Variants in MIR2052HG observed in about 807,000 individuals in gnomAD.
The protein encoded by MIR2052HG is MIR2052 host gene.
At chr8:74,711,524 C>G (rs1181384576) in intron 4 of MIR2052HG, among the ~76,000 whole-genome samples, 2 of 152,162 alleles carry the variant, frequency 1.3e-5, no homozygotes, top group Non-Finnish European at 2.9e-5. Flanking sequence ...TTTTGTGGAA[C>G]AGTGGTTGGA....
intron 4 of MIR2052HG, among the ~76,000 whole-genome samples, chr8:74,742,962 AT>A (rs1809847435): frequency 6.6e-6 from 1 of 152,158 alleles, no homozygotes; most frequent in Admixed American, 6.6e-5. Context: ...TGGAAAAAAA[AT>A]GAGACATGGT....
At chr8:74,647,478 A>G (rs958826435) in intron 2 of MIR2052HG, among the ~76,000 whole-genome samples, 1 of 152,242 alleles carries the variant, frequency 6.6e-6, no homozygotes, top group African/African-American at 2.4e-5. Flanking sequence ...TAAAAAATGG[A>G]AAAACCAAGC....
At position 74,731,866 on chromosome 8, in the gene MIR2052HG, G is replaced by A. The variant is rs12334401; in HGVS notation, n.372-20575G>A. Among the ~76,000 whole-genome samples the A allele has an allele frequency of 6.7e-3, 1,019 of 152,154 alleles. 6 individuals are homozygous for A. The highest frequency in any genetic ancestry group is 0.023 in the African/African-American group (968 of 41,494). On this transcript the variant is annotated intron_variant and non_coding_transcript_variant, in intron 4 of 6. Coordinates refer to ENST00000523442, the Ensembl canonical transcript of MIR2052HG. ...ATTCTATTGCCTTTCAGAAGCATAT[G>A]GGCCAATACAGAAGAAGAATAATTA...
rs72103010 is a variant in MIR2052HG at position 74,746,567 on chromosome 8, A to AGTGTGTGTGTGTGTGTGTGT, written n.372-5861_372-5842dup. The stretch of plus-strand genomic sequence containing the variant: ...TAAAAGTAATTGTAAGAGGAGAAGA[A>AGTGTGTGTGTGTGTGTGTGT]GTGTGTGTGTGTGTGTGTGTGTGTG... On this transcript the variant is annotated intron_variant and non_coding_transcript_variant, in intron 4 of 6. Transcript: ENST00000523442. Among the ~76,000 whole-genome samples, 36 of 147,642 alleles carry AGTGTGTGTGTGTGTGTGTGT rather than the reference A, an allele frequency of 2.4e-4. No individual in the cohort carries two copies. In the South Asian group the frequency reaches 2.9e-3, roughly 12 times the overall value.
At chr8:74,626,923 A>G (rs1808444858) in intron 2 of MIR2052HG, among the ~76,000 whole-genome samples, 1 of 152,262 alleles carries the variant, frequency 6.6e-6, no homozygotes. Context: ...GAAAAAGAAC[A>G]GAAATCCTTA....
chr8:74,661,940 T>C (rs1403936461), intron 2 of MIR2052HG, among the ~76,000 whole-genome samples: 1 of 152,188 alleles, frequency 6.6e-6, no homozygotes, highest in African/African-American at 2.4e-5. Context: ...TGAGACTAAT[T>C]GTAAGAAAAA....
chr8:74,614,279 A>G (rs2128731734), intron 2 of MIR2052HG, among the ~76,000 whole-genome samples: 1 of 152,340 alleles, frequency 6.6e-6, no homozygotes, highest in Non-Finnish European at 1.5e-5. Flanking sequence ...TTTTATGCCT[A>G]TTAAAATATC....
chr8:74,669,842 A>G (rs1387840084), intron 2 of MIR2052HG, among the ~76,000 whole-genome samples: 1 of 152,114 alleles, frequency 6.6e-6, no homozygotes, highest in Non-Finnish European at 1.5e-5. Flanking sequence ...CATCTTCTTT[A>G]CACCACTCGT....
intron 2 of MIR2052HG, among the ~76,000 whole-genome samples, chr8:74,680,636 A>G (rs1254598773): frequency 1.3e-5 from 2 of 152,322 alleles, no homozygotes; most frequent in South Asian, 2.1e-4. Flanking sequence ...TAGTTCAACC[A>G]TTGTGGAAGT....
intron 2 of MIR2052HG, among the ~76,000 whole-genome samples, chr8:74,698,464 A>G (rs1417704325): frequency 1.3e-5 from 2 of 152,256 alleles, no homozygotes; most frequent in Non-Finnish European, 2.9e-5. Context: ...CTTCATGAAC[A>G]AGAACCCAAA....
At chr8:74,732,990 A>G (rs986693761) in intron 4 of MIR2052HG, among the ~76,000 whole-genome samples, 1 of 152,144 alleles carries the variant, frequency 6.6e-6, no homozygotes, top group African/African-American at 2.4e-5. Flanking sequence ...TAGGTTTTAC[A>G]AATTCTACTC....
At chr8:74,706,915 A>G (rs1468033926) in intron 4 of MIR2052HG, among the ~76,000 whole-genome samples, 1 of 152,074 alleles carries the variant, frequency 6.6e-6, no homozygotes, top group Non-Finnish European at 1.5e-5. Context: ...AAGTGGATGC[A>G]CACGGGTGAG....
At chr8:74,603,561 A>G (rs112651122) in intron 1 of MIR2052HG, 36 of 1,540,968 alleles carry the variant, frequency 2.3e-5, no homozygotes, top group South Asian at 4.5e-5. Flanking sequence ...CACTGAATCC[A>G]GTGTTGCCAT....
intron 5 of MIR2052HG, among the ~76,000 whole-genome samples, chr8:74,754,500 G>T (rs914341266): frequency 6.6e-6 from 1 of 151,778 alleles, no homozygotes; most frequent in Admixed American, 6.6e-5. Flanking sequence ...AGTGTAGAAC[G>T]TGGAATTTTG....
chr8:74,607,939 G>C (rs1808136017), intron 1 of MIR2052HG, among the ~76,000 whole-genome samples: 1 of 152,178 alleles, frequency 6.6e-6, no homozygotes, highest in Non-Finnish European at 1.5e-5. Context: ...GGTGTGGGAG[G>C]TGTCTACATG....
chr8:74,701,681 G>C (rs1163834027), intron 2 of MIR2052HG, among the ~76,000 whole-genome samples: 1 of 152,058 alleles, frequency 6.6e-6, no homozygotes, highest in Non-Finnish European at 1.5e-5. Flanking sequence ...TGTTGATTCT[G>C]TGAACTACTA....
At chr8:74,686,224 G>T (rs542403828) in intron 2 of MIR2052HG, among the ~76,000 whole-genome samples, 2 of 151,592 alleles carry the variant, frequency 1.3e-5, no homozygotes, top group Non-Finnish European at 2.9e-5. Context: ...TCTCCTTGTA[G>T]ATCCCTTTAA....
At chr8:74,642,510 A>G (rs944968473) in intron 2 of MIR2052HG, among the ~76,000 whole-genome samples, 1 of 152,180 alleles carries the variant, frequency 6.6e-6, no homozygotes, top group Admixed American at 6.5e-5. Context: ...AGCAGTACTG[A>G]CTTAAGAAGT....
At chr8:74,669,264 A>G (rs1563527725) in intron 2 of MIR2052HG, among the ~76,000 whole-genome samples, 1 of 152,152 alleles carries the variant, frequency 6.6e-6, no homozygotes, top group Non-Finnish European at 1.5e-5. Context: ...CTTGACTTTG[A>G]TCTGTTCCTC....
Sources: allele counts gnomAD v4.1 joint callset (sites outside exome capture counted in the v4.1 genomes callset), GRCh38; gene constraint gnomAD v4.1.1; transcripts MANE v1.5; gene names NCBI Gene and HGNC (gene_info 2026-07-23, HGNC 2026-07-21).